The following ACTR2 variants were observed in gnomAD, a reference collection of about 807,000 sequenced individuals.
The protein encoded by ACTR2 is actin-related protein 2.
In ACTR2, 5 loss-of-function variants were observed where a neutral mutation model predicts 50.2. The observed-to-expected ratio is 0.10, with a 90% CI of 0.05 to 0.21. The LOEUF is 0.21. Ranked by LOEUF, ACTR2 falls within the 10% of genes least tolerant of loss-of-function variation. ACTR2 has a pLI of 1.00. For synonymous variants in ACTR2, 140 were observed against 162.9 expected (o/e 0.86, Z 1.07); for missense variants, 180 against 480.6 (o/e 0.37, Z 5.85).
At chr2:65,228,063 C>T (rs990893580) in intron 1 of ACTR2, 106 bp downstream of exon 1, 10 of 1,114,684 alleles carry the variant, frequency 9.0e-6, no homozygotes, top group Non-Finnish European at 1.2e-5. Context: ...GCCCTCGGGG[C>T]GAAGGGGCGC....
intron 6 of ACTR2, among the ~76,000 whole-genome samples, chr2:65,259,172 C>G (rs1425869775): frequency 6.6e-6 from 1 of 151,618 alleles, no homozygotes; most frequent in East Asian, 1.9e-4. Flanking sequence ...CCCCATAATC[C>G]CAGCAATTTG....
intron 1 of ACTR2, among the ~76,000 whole-genome samples, chr2:65,234,324 G>A (rs1671698508): frequency 6.6e-6 from 1 of 152,304 alleles, no homozygotes; most frequent in Non-Finnish European, 1.5e-5. Context: ...TATGAAAACT[G>A]GTGCTGAGTT....
intron 6 of ACTR2, among the ~76,000 whole-genome samples, chr2:65,258,630 GCA>G (rs376618399): frequency 3.3e-5 from 5 of 151,962 alleles, no homozygotes; most frequent in South Asian, 4.2e-4. Flanking sequence ...ATATATATAT[GCA>G]CACACACACA....
At chr2:65,255,254 G>A (rs1672128644) in intron 5 of ACTR2, among the ~76,000 whole-genome samples, 1 of 152,044 alleles carries the variant, frequency 6.6e-6, no homozygotes. Flanking sequence ...ACTTTTGATT[G>A]TTTATCAAAA....
chr2:65,255,872 C>T (rs1672140177), intron 6 of ACTR2, among the ~76,000 whole-genome samples, 178 bp downstream of exon 6: 1 of 152,074 alleles, frequency 6.6e-6, no homozygotes, highest in South Asian at 2.1e-4. Flanking sequence ...TATTTTAGGG[C>T]ACCATATAAT....
chr2:65,230,674 G>C (rs1422229174), intron 1 of ACTR2, among the ~76,000 whole-genome samples: 1 of 151,934 alleles, frequency 6.6e-6, no homozygotes, highest in Admixed American at 6.6e-5. Flanking sequence ...GCCTCCTAAA[G>C]TGCTAGGATT....
chr2:65,233,484 T>C (rs574984873), intron 1 of ACTR2, among the ~76,000 whole-genome samples: 1 of 151,852 alleles, frequency 6.6e-6, no homozygotes, highest in Admixed American at 6.6e-5. Context: ...GAGACCCCTG[T>C]CTCCACAAAA....
intron 1 of ACTR2, among the ~76,000 whole-genome samples, chr2:65,237,574 G>A (rs1671763737): frequency 6.6e-6 from 1 of 152,076 alleles, no homozygotes; most frequent in Non-Finnish European, 1.5e-5. Context: ...GTAACTGCCG[G>A]GCACAGTGGC....
chr2:65,237,087 G>A (rs1202422634), intron 1 of ACTR2, among the ~76,000 whole-genome samples: 3 of 152,080 alleles, frequency 2.0e-5, no homozygotes, highest in Admixed American at 6.6e-5. Context: ...TGTGCCAGAC[G>A]CTGTTCTAGG....
intron 1 of ACTR2, among the ~76,000 whole-genome samples, chr2:65,230,179 C>G (rs1401253655): frequency 6.6e-6 from 1 of 152,090 alleles, no homozygotes; most frequent in Admixed American, 6.5e-5. Flanking sequence ...AAGTATTAGC[C>G]TGATTTCCAC....
At chr2:65,229,990 A>T (rs745554279) in intron 1 of ACTR2, among the ~76,000 whole-genome samples, 1 of 152,184 alleles carries the variant, frequency 6.6e-6, no homozygotes, top group African/African-American at 2.4e-5. Flanking sequence ...ATGGTTACCT[A>T]TGAGACAGAG....
intron 1 of ACTR2, among the ~76,000 whole-genome samples, chr2:65,236,352 A>C (rs574542666): frequency 1.2e-4 from 18 of 150,666 alleles, no homozygotes; most frequent in Non-Finnish European, 1.8e-4. Context: ...AAAAAAAAAG[A>C]CAAGTGAAAT....
At chr2:65,268,125 A>G (rs550837653) in intron 8 of ACTR2, among the ~76,000 whole-genome samples, 80 of 151,774 alleles carry the variant, frequency 5.3e-4, no homozygotes, top group South Asian at 1.0e-3. Context: ...TTGAGCCACC[A>G]CACCCAGCCA....
Position 65,270,543 on chromosome 2 carries a change from C to T in ACTR2, c.*1809C>T, listed in dbSNP as rs188856002. ...TTTGAGAACGGGGCTTGTTAAAGGA[C>T]GCGTATGTAGGGCCCGTACCTACTG... is the stretch of plus-strand genomic sequence containing the variant. On this transcript the variant is annotated 3_prime_UTR_variant, in exon 9 of 9. Coordinates refer to ENST00000260641, the MANE Select transcript of ACTR2 (RefSeq NM_005722.4). 4.8e-3 allele frequency: 730 copies of T among 152,496 alleles called. 7 individuals are homozygous for T. Among genetic ancestry groups the T allele is most frequent in the Non-Finnish European group, 6.0e-3 (406 of 68,000 alleles). The allele number at this position is 152,496 out of a possible 1,614,324, so 9.4% of individuals were successfully genotyped here. A position where few individuals can be genotyped will look rare whatever the true frequency, so the allele number is the denominator to read the frequency against.
chr2:65,247,324 C>T (rs987352852), intron 3 of ACTR2, among the ~76,000 whole-genome samples: 1 of 151,934 alleles, frequency 6.6e-6, no homozygotes, highest in Non-Finnish European at 1.5e-5. Flanking sequence ...CGCGGTGGCT[C>T]ACGCCTGTAA....
intron 6 of ACTR2, among the ~76,000 whole-genome samples, chr2:65,259,531 C>A (rs944220597): frequency 1.3e-5 from 2 of 152,096 alleles, no homozygotes; most frequent in African/African-American, 4.8e-5. Context: ...GAGCTCGAGA[C>A]CAGCCCAGCC....
At chr2:65,228,026 C>T (rs961368934) in intron 1 of ACTR2, 69 bp downstream of exon 1, 6 of 1,427,406 alleles carry the variant, frequency 4.2e-6, no homozygotes, top group Non-Finnish European at 5.5e-6. Context: ...GCGCACGGGC[C>T]CTCGGCCCCC....
In ACTR2 at chr2:65,230,233, A is replaced by G. The variant is rs141852753; in HGVS notation, c.48+2276A>G. ...TCTAAATAAATAAAAAACTTTAAAA[A>G]TTGAATTTAAAATTTTTTGTTTTGT... On this transcript the variant is annotated intron_variant, in intron 1 of 8. Coordinates refer to ENST00000260641, the MANE Select transcript of ACTR2 (RefSeq NM_005722.4). Among the ~76,000 whole-genome samples, 585 of 152,276 alleles carry G rather than the reference A, an allele frequency of 3.8e-3. 3 individuals are homozygous for G. Among genetic ancestry groups the G allele is most frequent in the African/African-American group, 0.014 (566 of 41,556 alleles).
chr2:65,270,202 T>G lies in ACTR2; in HGVS notation c.*1468T>G, dbSNP rs1298852051. 4.1e-5 allele frequency: 3 copies of G among 74,020 alleles called. No individual in the cohort carries two copies. Among genetic ancestry groups the G allele is most frequent in the Non-Finnish European group, 8.7e-5 (3 of 34,558 alleles). The allele number at this position is 74,020 out of a possible 1,614,324, so 4.6% of individuals were successfully genotyped here. Reference sequence around the variant, plus strand: ...AATATTTTTCTTCATTTTAAAACTTTTTTTTAACTAATAATAGCTTTGAAA... The same window carrying G: ...AATATTTTTCTTCATTTTAAAACTTGTTTTTAACTAATAATAGCTTTGAAA... On this transcript the variant is annotated 3_prime_UTR_variant, in exon 9 of 9. Transcript: ENST00000260641.
Sources: allele counts gnomAD v4.1 joint callset (sites outside exome capture counted in the v4.1 genomes callset), GRCh38; gene constraint gnomAD v4.1.1; transcripts MANE v1.5; gene names NCBI Gene and HGNC (gene_info 2026-07-23, HGNC 2026-07-21).